The following NOD2 variants were observed in gnomAD, a reference collection of about 807,000 sequenced individuals.
NOD2 encodes nucleotide binding oligomerization domain containing 2.
Under a neutral mutation model 90.9 loss-of-function variants are expected in NOD2, and 86 were observed. The observed-to-expected ratio is 0.95, with a 90% CI of 0.79 to 1.13. The LOEUF (loss-of-function observed/expected upper bound fraction) is 1.13. Among genes scored for constraint, NOD2 ranks in the 50% most tolerant of loss-of-function variants. NOD2 has a pLI of 0.00. For synonymous variants in NOD2, 581 were observed against 554.6 expected (o/e 1.05, Z -0.67); for missense variants, 1,238 against 1,283.8 (o/e 0.96, Z 0.55).
intron 1 of NOD2, chr16:50,697,819 T>C (rs1963728408): frequency 9.6e-6 from 2 of 208,262 alleles, no homozygotes. Flanking sequence ...TCTGAGAGAT[T>C]GGAGCTTTCT....
intron 10 of NOD2, chr16:50,728,026 T>C: frequency 3.9e-6 from 1 of 255,784 alleles, no homozygotes; most frequent in Non-Finnish European, 8.0e-6. Context: ...AAGAAATGGT[T>C]CGCTGTTGTT....
At chr16:50,717,117 G>C in intron 6 of NOD2, 143 bp downstream of exon 6, 2 of 759,106 alleles carry the variant, frequency 2.6e-6, no homozygotes. Flanking sequence ...TTTTAAGCAG[G>C]GGTTCTCTAA....
rs5743274 is a variant in NOD2, at chr16:50,711,364, C to T, written c.1372C>T (p.Leu458=). The T allele has an allele frequency of 1.7e-3, 2,803 of 1,613,734 alleles. 46 individuals are homozygous for T. The African/African-American group carries it at 0.033, about 19-fold the overall frequency. ...CTCAGCCCTGCACGGTTTGTGCCACCTGCCTGTCTTCTCATGGATGGTGTC... is the reference window on the plus strand; with the variant it reads ...CTCAGCCCTGCACGGTTTGTGCCACTTGCCTGTCTTCTCATGGATGGTGTC... ...ETSALHGLCH[L]PVFSWMVSKC... The change falls in exon 4 of 12, where the codon CTG becomes TTG. Residue 458 remains leucine, a synonymous_variant. Transcript: ENST00000647318.
chr16:50,731,163 TA>T (rs995597253), intron 11 of NOD2, among the ~76,000 whole-genome samples: 1 of 152,088 alleles, frequency 6.6e-6, no homozygotes, highest in African/African-American at 2.4e-5. Context: ...TCCCATCTCT[TA>T]AAAAAATAAA....
At position 50,723,877 on chromosome 16, in the gene NOD2, A is replaced by ACTG. The variant is rs912535842; in HGVS notation, c.2801+517_2801+519dup. Among the ~76,000 whole-genome samples the ACTG allele has an allele frequency of 1.4e-3, 213 of 152,058 alleles. 1 individual carries two copies. The highest frequency in any genetic ancestry group is 2.9e-3 in the East Asian group (15 of 5,188). ...TAATGGCAGGGTTACTACTACTATT[A>ACTG]CTGCTGCTGCTGCTGCTGCTGCTGC... On this transcript the variant is annotated intron_variant, in intron 9 of 11. Coordinates refer to ENST00000647318, the MANE Select transcript of NOD2 (RefSeq NM_001370466.1).
chr16:50,707,998 C>A (rs779574356), intron 3 of NOD2, 38 bp downstream of exon 3: 3 of 1,359,644 alleles, frequency 2.2e-6, no homozygotes, highest in Admixed American at 1.7e-5. Context: ...AAGGGAAGGG[C>A]AGTCAGTGCA....
chr16:50,722,058 A>G (rs1730793389), intron 7 of NOD2, among the ~76,000 whole-genome samples: 1 of 152,208 alleles, frequency 6.6e-6, no homozygotes, highest in African/African-American at 2.4e-5. Context: ...ATAAGTCAGA[A>G]GGTGTGAGTT....
Position 50,712,187 on chromosome 16 carries a change from C to A in NOD2, c.2195C>A (p.Ala732Glu). The A allele has an allele frequency of 6.2e-7, 1 of 1,613,938 alleles. No homozygotes were observed. Among genetic ancestry groups the A allele is most frequent in the Non-Finnish European group, 8.5e-7 (1 of 1,180,052 alleles). Residue 732 changes from alanine (A) to glutamate (E), a missense_variant, in exon 4 of 12, where the codon GCA becomes GAA. By Grantham distance (107) the Ala-to-Glu change is moderately radical. This residue lies in a region of NOD2 where 667 missense variants were observed against 688.7 expected (regional missense o/e 0.97). Transcript: ENST00000647318. Reference protein sequence around the residue: ...MQEERLARKAARGLNVGHLKL... With the variant: ...MQEERLARKAERGLNVGHLKL... ...GAGGAGCGGCTGGCTCGGAAGGCTG[C>A]ACGTGGCCTGAATGTTGGGCACCTC...
At chr16:50,723,168 G>A in intron 8 of NOD2, 133 bp from the exon 9 acceptor site, 4 of 619,618 alleles carry the variant, frequency 6.5e-6, no homozygotes, top group Non-Finnish European at 5.8e-6. Context: ...AAAAGAAAGA[G>A]CACCGCAATC....
At chr16:50,714,582 A>T (rs1421654425) in intron 4 of NOD2, among the ~76,000 whole-genome samples, 2 of 149,118 alleles carry the variant, frequency 1.3e-5, no homozygotes, top group African/African-American at 2.5e-5. Flanking sequence ...GGAAGCAACC[A>T]TGAGGTTGCT....
Position 50,700,381 on chromosome 16 carries a change from C to G in NOD2, c.459+427C>G, listed in dbSNP as rs56250614. On this transcript the variant is annotated intron_variant, in intron 2 of 11. Transcript: ENST00000647318. Reference sequence around the variant, plus strand: ...TTAAGCAATCCTCCCGCCTTGGCCTCCCAAACTGTTGGGATTGCAGGCATG... The same window carrying G: ...TTAAGCAATCCTCCCGCCTTGGCCTGCCAAACTGTTGGGATTGCAGGCATG... Among the ~76,000 whole-genome samples, 1,059 of 152,284 alleles carry G rather than the reference C, an allele frequency of 7.0e-3. 11 individuals are homozygous for G. The highest frequency in any genetic ancestry group is 0.025 in the African/African-American group (1,024 of 41,548).
In NOD2 at chr16:50,711,130, C is replaced by T. The variant is rs760998620; in HGVS notation, c.1138C>T (p.Leu380Phe). 1.2e-6 allele frequency: 2 copies of T among 1,614,184 alleles called. No individual in the cohort carries two copies. The highest frequency in any genetic ancestry group is 1.7e-6 in the Non-Finnish European group (2 of 1,180,026). Residue 380 changes from leucine to phenylalanine, a missense_variant, in exon 4 of 12, where the codon CTC becomes TTC. Around this residue, in one of 3 missense-constraint regions of NOD2, gnomAD observed 567 missense variants for 577.3 expected, o/e 0.98. Transcript: ENST00000647318. Reference protein sequence around the residue: ...PTDPTSVQTLLFNLLQGNLLK... With the variant: ...PTDPTSVQTLFFNLLQGNLLK... Reference sequence around the variant, plus strand: ...CGACCCCACCTCTGTCCAGACCCTGCTCTTCAACCTTCTGCAGGGCAACCT... The same window carrying T: ...CGACCCCACCTCTGTCCAGACCCTGTTCTTCAACCTTCTGCAGGGCAACCT...
chr16:50,722,747 A>T (rs765537781), intron 8 of NOD2, 42 bp downstream of exon 8: 1 of 1,575,940 alleles, frequency 6.3e-7, no homozygotes, highest in Non-Finnish European at 8.7e-7. Flanking sequence ...TGGGGAGATC[A>T]GGTGAAGAGG....
rs104895492 is a variant in NOD2, at chr16:50,711,301, G to T, written c.1309G>T (p.Gly437Trp). The change falls in exon 4 of 12, where the codon GGG becomes TGG. Residue 437 changes from glycine (G) to tryptophan (W), a missense_variant. Transcript: ENST00000647318. ...LYLRKRHHEP[G>W]VADRLIRLLQ... ...CCTGAGGAAGCGCCATCATGAGCCCGGGGTGGCGGACCGCCTCATCCGCCT... is the reference window on the plus strand; with the variant it reads ...CCTGAGGAAGCGCCATCATGAGCCCTGGGTGGCGGACCGCCTCATCCGCCT... 74 of 1,613,546 alleles carry T rather than the reference G, an allele frequency of 4.6e-5. No homozygotes were observed. In the South Asian group the frequency reaches 7.0e-4, roughly 15 times the overall value.
chr16:50,705,729 C>T (rs144184080), intron 2 of NOD2, among the ~76,000 whole-genome samples: 60 of 152,284 alleles, frequency 3.9e-4, no homozygotes, highest in African/African-American at 1.2e-3. Flanking sequence ...GCATGGTTTT[C>T]AACTTTCTTG....
chr16:50,707,331 C>G (rs1445921268), intron 2 of NOD2, among the ~76,000 whole-genome samples: 1 of 152,090 alleles, frequency 6.6e-6, no homozygotes, highest in Non-Finnish European at 1.5e-5. Flanking sequence ...GGAAGGCTGT[C>G]GGTTTGGCAG....
intron 9 of NOD2, 70 bp downstream of exon 9, chr16:50,723,454 TA>T: frequency 1.4e-6 from 2 of 1,387,244 alleles, no homozygotes; most frequent in Admixed American, 1.7e-5. Flanking sequence ...GCCTCATCCA[TA>T]GGAGCGGTTG....
chr16:50,725,228 C>A (rs930280451), intron 9 of NOD2, among the ~76,000 whole-genome samples: 1 of 152,060 alleles, frequency 6.6e-6, no homozygotes, highest in Non-Finnish European at 1.5e-5. Context: ...AATGAGACTT[C>A]CATTAATAAG....
Position 50,711,944 on chromosome 16 carries a change from T to TG in NOD2, c.1954dup (p.Ala652GlyfsTer14). The TG allele has an allele frequency of 1.2e-6, 2 of 1,612,530 alleles. No homozygotes were observed. The highest frequency in any genetic ancestry group is 1.7e-6 in the Non-Finnish European group (2 of 1,179,106). On this transcript the variant is annotated frameshift_variant, in exon 4 of 12. Transcript: ENST00000647318. LOFTEE classifies it high-confidence loss of function. ...AACCTTCAGATCACAGCAGCCTTCC[T>TG]GGCAGGGCTGTTGTCCCGGGAGCAC... is the stretch of plus-strand genomic sequence containing the variant.
Sources: allele counts gnomAD v4.1 joint callset (sites outside exome capture counted in the v4.1 genomes callset), GRCh38; gene constraint gnomAD v4.1.1; regional missense constraint gnomAD v4.1.1; transcripts MANE v1.5; gene names NCBI Gene and HGNC (gene_info 2026-07-23, HGNC 2026-07-21).